ALK: variants seen among roughly 807,000 people sequenced by gnomAD.
ALK encodes the protein ALK receptor tyrosine kinase, also known as ALK tyrosine kinase receptor.
In ALK, 74 loss-of-function variants were observed where a neutral mutation model predicts 163.1. The ratio of observed to expected loss-of-function variants is 0.45; its 90% CI spans 0.38 to 0.55. ALK has a LOEUF of 0.55. Among genes scored for constraint, ALK ranks in the 20% least tolerant of loss-of-function variants. The pLI, the probability that ALK is intolerant of heterozygous loss-of-function variation, is 0.00. For synonymous variants in ALK, 960 were observed against 843.2 expected (o/e 1.14, Z -2.40); for missense variants, 2,063 against 2,105.3 (o/e 0.98, Z 0.39).
chr2:29,733,225 G>T (rs554038878), intron 1 of ALK, among the ~76,000 whole-genome samples: 2 of 152,312 alleles, frequency 1.3e-5, no homozygotes, highest in South Asian at 2.1e-4. Flanking sequence ...AGTAAAGCAG[G>T]ATCAGGATCT....
At chr2:29,573,541 A>C (rs574074768) in intron 3 of ALK, among the ~76,000 whole-genome samples, 1 of 152,252 alleles carries the variant, frequency 6.6e-6, no homozygotes, top group Non-Finnish European at 1.5e-5. Context: ...CCCAGGTGAC[A>C]TGTAAAAATT....
At chr2:29,477,149 G>A (rs551761234) in intron 4 of ALK, among the ~76,000 whole-genome samples, 18 of 152,104 alleles carry the variant, frequency 1.2e-4, no homozygotes, top group East Asian at 1.9e-4. Flanking sequence ...ATTTGGGCAC[G>A]TGAATAGGAG....
intron 3 of ALK, among the ~76,000 whole-genome samples, chr2:29,563,364 G>C (rs1674081287): frequency 6.6e-6 from 1 of 152,166 alleles, no homozygotes; most frequent in Admixed American, 6.6e-5. Context: ...TGGGAGAGGA[G>C]CAGGGAAGTA....
intron 3 of ALK, 79 bp from the exon 4 acceptor site, chr2:29,532,195 C>A (rs1673140128): frequency 3.8e-6 from 5 of 1,331,070 alleles, no homozygotes; most frequent in Admixed American, 1.9e-5. Flanking sequence ...GACTTAGAGA[C>A]AAATGGCATC....
At chr2:29,475,055 T>A (rs763018603) in intron 4 of ALK, among the ~76,000 whole-genome samples, 4 of 152,110 alleles carry the variant, frequency 2.6e-5, no homozygotes, top group Non-Finnish European at 5.9e-5. Flanking sequence ...CATTCCTTCT[T>A]CTTATCTCCT....
intron 3 of ALK, among the ~76,000 whole-genome samples, chr2:29,658,697 A>G (rs1171175423): frequency 2.0e-5 from 3 of 152,226 alleles, no homozygotes; most frequent in Non-Finnish European, 1.5e-5. Flanking sequence ...TTTATTTAGC[A>G]TACATATTAA....
intron 3 of ALK, among the ~76,000 whole-genome samples, chr2:29,624,419 GGA>G: frequency 6.6e-6 from 1 of 152,300 alleles, no homozygotes; most frequent in Admixed American, 6.5e-5. Context: ...ACCCTCTATG[GGA>G]AATGAGAGGA....
chr2:29,464,968 A>AAT (rs1671173592), intron 4 of ALK, among the ~76,000 whole-genome samples: 1 of 152,240 alleles, frequency 6.6e-6, no homozygotes, highest in Non-Finnish European at 1.5e-5. Flanking sequence ...ATGTCAGTCG[A>AAT]ATATATGTGT....
At chr2:29,299,940 T>A (rs568230834) in intron 8 of ALK, among the ~76,000 whole-genome samples, 1 of 152,294 alleles carries the variant, frequency 6.6e-6, no homozygotes, top group South Asian at 2.1e-4. Flanking sequence ...CCCTGCAGTT[T>A]TGGAAACACG....
intron 2 of ALK, among the ~76,000 whole-genome samples, chr2:29,704,623 T>C (rs962093745): frequency 2.6e-5 from 4 of 152,238 alleles, no homozygotes; most frequent in Non-Finnish European, 4.4e-5. Flanking sequence ...AATGATCAGA[T>C]GGCTCAACTC....
intron 1 of ALK, among the ~76,000 whole-genome samples, chr2:29,912,829 C>T (rs1484888574): frequency 6.6e-6 from 1 of 152,052 alleles, no homozygotes; most frequent in Non-Finnish European, 1.5e-5. Flanking sequence ...TTCTCCTCAC[C>T]ACAGAACACT....
At chr2:29,585,583 C>T (rs1404211764) in intron 3 of ALK, among the ~76,000 whole-genome samples, 6 of 152,176 alleles carry the variant, frequency 3.9e-5, no homozygotes, top group Non-Finnish European at 7.3e-5. Context: ...CTGCCTCGGC[C>T]TCCCAAGGTG....
chr2:29,326,877 T>A (rs1667280085), intron 6 of ALK, among the ~76,000 whole-genome samples: 1 of 152,120 alleles, frequency 6.6e-6, no homozygotes, highest in Non-Finnish European at 1.5e-5. Context: ...GCCACTGGGG[T>A]CTGCATATCT....
chr2:29,787,502 C>T (rs1386167048), intron 1 of ALK, among the ~76,000 whole-genome samples: 2 of 152,202 alleles, frequency 1.3e-5, no homozygotes, highest in Non-Finnish European at 2.9e-5. Context: ...ATAAACAATG[C>T]ACAGGCTTTT....
At chr2:29,550,114 C>T (rs999032715) in intron 3 of ALK, among the ~76,000 whole-genome samples, 4 of 152,020 alleles carry the variant, frequency 2.6e-5, no homozygotes, top group Admixed American at 2.0e-4. Flanking sequence ...TAGTGTATGA[C>T]GATAATAATA....
At chr2:29,756,999 G>C (rs1680554977) in intron 1 of ALK, among the ~76,000 whole-genome samples, 1 of 152,202 alleles carries the variant, frequency 6.6e-6, no homozygotes. Context: ...TGATGACAGA[G>C]GAAAGCAGAA....
At chr2:29,785,512 G>C (rs1663985400) in intron 1 of ALK, among the ~76,000 whole-genome samples, 1 of 152,178 alleles carries the variant, frequency 6.6e-6, no homozygotes, top group South Asian at 2.1e-4. Flanking sequence ...ACATCTGAAA[G>C]ATGATTCGAT....
At chr2:29,218,274 T>C (rs1344206447) in intron 23 of ALK, among the ~76,000 whole-genome samples, 1 of 152,156 alleles carries the variant, frequency 6.6e-6, no homozygotes, top group African/African-American at 2.4e-5. Flanking sequence ...GGCCAAGGGT[T>C]GAAAGAGCAG....
chr2:29,419,829 G>A (rs1669973318), intron 4 of ALK, among the ~76,000 whole-genome samples: 1 of 151,480 alleles, frequency 6.6e-6, no homozygotes, highest in Non-Finnish European at 1.5e-5. Context: ...AGAGGAGAAA[G>A]TTTGAACCAA....
Sources: gnomAD v4.1 joint callset for allele counts (sites outside exome capture counted in the v4.1 genomes callset) on GRCh38, gnomAD v4.1.1 for gene constraint, MANE v1.5 for transcripts, NCBI Gene and HGNC (gene_info 2026-07-23, HGNC 2026-07-21) for gene names.